MIX23: variants seen among roughly 807,000 people sequenced by gnomAD.
MIX23 encodes mitochondrial matrix import factor 23.
A neutral mutation model predicts 21.6 loss-of-function variants in MIX23; 13 were observed. The ratio of observed to expected loss-of-function variants is 0.60; its 90% CI spans 0.39 to 0.96. MIX23 has a LOEUF of 0.96. Ranked by LOEUF, MIX23 falls within the 40% of genes least tolerant of loss-of-function variation. The pLI is 0.00. For missense variants in MIX23, 144 were observed against 171.2 expected, an observed-to-expected ratio of 0.84 and a Z score of 0.89; for synonymous variants, 59 against 58.0, an observed-to-expected ratio of 1.02 and a Z score of -0.08.
intron 1 of MIX23, among the ~76,000 whole-genome samples, chr3:122,376,679 G>A (rs956136111): frequency 6.6e-6 from 1 of 152,142 alleles, no homozygotes; most frequent in Non-Finnish European, 1.5e-5. Context: ...AACATGGATG[G>A]AGCTGGAGGC....
At chr3:122,382,955 G>C (rs1473429531) in intron 1 of MIX23, among the ~76,000 whole-genome samples, 1 of 152,208 alleles carries the variant, frequency 6.6e-6, no homozygotes, top group African/African-American at 2.4e-5. Flanking sequence ...AGGCCGGAGA[G>C]CCGCGGAGAG....
chr3:122,375,533 G>A (rs1304665975), intron 1 of MIX23, among the ~76,000 whole-genome samples: 4 of 152,198 alleles, frequency 2.6e-5, no homozygotes, highest in Admixed American at 2.0e-4. Context: ...TCGGATTAGG[G>A]TGGGATATGT....
At chr3:122,362,073 A>T (rs1329315574) in intron 4 of MIX23, among the ~76,000 whole-genome samples, 1 of 152,248 alleles carries the variant, frequency 6.6e-6, no homozygotes, top group Middle Eastern at 3.2e-3. Context: ...AGAAAACTAA[A>T]GTCAGAGTTT....
intron 1 of MIX23, among the ~76,000 whole-genome samples, chr3:122,381,746 G>A (rs1427753005): frequency 2.2e-5 from 3 of 139,326 alleles, no homozygotes; most frequent in East Asian, 2.1e-4. Context: ...AAAAAAAAAA[G>A]AAGAGGAGGA....
chr3:122,362,850 C>A, intron 4 of MIX23, 118 bp downstream of exon 4: 141 of 411,578 alleles, frequency 3.4e-4, no homozygotes, highest in East Asian at 5.6e-4. Context: ...TAAATGTAAA[C>A]GAGTGATCTC....
chr3:122,373,674 T>C (rs2075461007), intron 1 of MIX23, among the ~76,000 whole-genome samples: 1 of 152,208 alleles, frequency 6.6e-6, no homozygotes, highest in South Asian at 2.1e-4. Flanking sequence ...TGTTTCCAAT[T>C]ATAAACCATT....
intron 3 of MIX23, among the ~76,000 whole-genome samples, chr3:122,363,704 C>T (rs1049388591): frequency 2.8e-4 from 42 of 151,736 alleles, no homozygotes; most frequent in Admixed American, 2.2e-3. Flanking sequence ...GAAAGGCATG[C>T]GTTTCCTCAC....
chr3:122,361,961 T>A (rs538752948), intron 4 of MIX23, among the ~76,000 whole-genome samples: 37 of 152,372 alleles, frequency 2.4e-4, no homozygotes, highest in Middle Eastern at 6.8e-3. Flanking sequence ...TAAATTCAAA[T>A]GATAAAACAG....
intron 2 of MIX23, among the ~76,000 whole-genome samples, chr3:122,371,057 A>G (rs1183078590): frequency 1.3e-5 from 2 of 152,238 alleles, no homozygotes; most frequent in East Asian, 1.9e-4. Context: ...CCAAATTACT[A>G]AAAGAATATA....
intron 1 of MIX23, among the ~76,000 whole-genome samples, chr3:122,378,983 T>C (rs2075509639): frequency 6.6e-6 from 1 of 152,180 alleles, no homozygotes; most frequent in South Asian, 2.1e-4. Flanking sequence ...ATTCCCACCA[T>C]CACAGAAAGT....
rs972817603 is a variant in MIX23, at chr3:122,378,288, G to T, written c.51+4886C>A. On this transcript the variant is annotated intron_variant, in intron 1 of 4. Coordinates refer to ENST00000291458, the MANE Select transcript of MIX23 (RefSeq NM_001017928.4). ...GTTTTGAGTTTGAACACTTTAGCCC[G>T]ATTCATCTCCAATAAAACAATTTGG... Among the ~76,000 whole-genome samples the T allele has an allele frequency of 8.5e-5, 13 of 152,276 alleles. No individual in the cohort carries two copies. The East Asian group carries it at 2.3e-3, about 27-fold the overall frequency.
intron 2 of MIX23, 40 bp downstream of exon 2, chr3:122,371,635 A>C: frequency 6.2e-7 from 1 of 1,606,124 alleles, no homozygotes; most frequent in East Asian, 2.2e-5. Context: ...CCTGCAAAGA[A>C]AGGCATGAAA....
chr3:122,379,028 T>C lies in MIX23; in HGVS notation c.51+4146A>G, dbSNP rs192313521. Among the ~76,000 whole-genome samples the C allele has an allele frequency of 1.6e-3, 240 of 152,266 alleles. 1 individual carries two copies. Among genetic ancestry groups the C allele is most frequent in the Admixed American group, 4.4e-3 (67 of 15,282 alleles). On this transcript the variant is annotated intron_variant, in intron 1 of 4. Transcript: ENST00000291458. ...CAGTGCTATATTCTAGAAAATATAA[T>C]GACAACCCCTAAACTGATAATGTAC...
At chr3:122,369,722 G>C (rs1386993252) in intron 2 of MIX23, among the ~76,000 whole-genome samples, 2 of 152,082 alleles carry the variant, frequency 1.3e-5, no homozygotes, top group African/African-American at 4.8e-5. Flanking sequence ...ATTCTCACAG[G>C]GCCTGTTAAA....
At chr3:122,364,905 A>C (rs1207202524) in intron 3 of MIX23, among the ~76,000 whole-genome samples, 1 of 152,200 alleles carries the variant, frequency 6.6e-6, no homozygotes, top group Non-Finnish European at 1.5e-5. Flanking sequence ...TCAAAATCAG[A>C]CTTTTCAGAA....
rs149359796 is a variant in MIX23 at position 122,364,852 on chromosome 3, C to A, written c.325-1825G>T. On this transcript the variant is annotated intron_variant, in intron 3 of 4. Coordinates refer to ENST00000291458, the MANE Select transcript of MIX23 (RefSeq NM_001017928.4). ...CTTGAATCCTCCCCGCACATGCCCC[C>A]CAGAAATAAGAAGTTATTAGGTATC... Among the ~76,000 whole-genome samples the A allele has an allele frequency of 4.3e-3, 650 of 152,188 alleles. 5 individuals are homozygous for A. The highest frequency in any genetic ancestry group is 0.015 in the African/African-American group (615 of 41,502).
intron 1 of MIX23, among the ~76,000 whole-genome samples, chr3:122,376,645 T>G (rs1044757229): frequency 6.6e-6 from 1 of 151,734 alleles, no homozygotes; most frequent in Non-Finnish European, 1.5e-5. Context: ...AGAAGAAAAA[T>G]TATGAAATCA....
At chr3:122,360,612 AT>A (rs1576227807) in intron 4 of MIX23, among the ~76,000 whole-genome samples, 1 of 152,278 alleles carries the variant, frequency 6.6e-6, no homozygotes, top group East Asian at 1.9e-4. Flanking sequence ...CATTTTTAAT[AT>A]TAAAAAAATT....
chr3:122,371,785 T>A lies in MIX23; in HGVS notation c.67A>T (p.Met23Leu). 1 of 1,600,790 alleles carries A rather than the reference T, an allele frequency of 6.2e-7. No homozygotes were observed. The highest frequency in any genetic ancestry group is 8.6e-7 in the Non-Finnish European group (1 of 1,168,416). The change falls in exon 2 of 5, where the codon ATG becomes TTG. Residue 23 changes from methionine (M) to leucine (L), a missense_variant. Coordinates refer to ENST00000291458, the MANE Select transcript of MIX23 (RefSeq NM_001017928.4). ...ACTATTCTGTCATCAATTGTCCTCA[T>A]CACCTTGAGTAATTCCTATATGTAT... ...FAEFQELLKV[M>L]RTIDDRIVHE...
Sources: allele counts gnomAD v4.1 joint callset (sites outside exome capture counted in the v4.1 genomes callset), GRCh38; gene constraint gnomAD v4.1.1; transcripts MANE v1.5; gene names NCBI Gene and HGNC (gene_info 2026-07-23, HGNC 2026-07-21).